COG5: variants seen among roughly 807,000 people sequenced by gnomAD.
COG5 encodes conserved oligomeric Golgi complex subunit 5.
Under a neutral mutation model 110.4 loss-of-function variants are expected in COG5, and 86 were observed. The observed-to-expected ratio is 0.78, with a 90% confidence interval of 0.65 to 0.93. The LOEUF is 0.93. Ranked by LOEUF, COG5 falls within the 40% of genes least tolerant of loss-of-function variation. The probability of loss-of-function intolerance (pLI) is 0.00; values close to 1 mark genes in which losing one functional copy is unlikely to be tolerated. For synonymous variants in COG5, 360 were observed against 334.6 expected (o/e 1.08, Z -0.83); for missense variants, 1,077 against 987.0 (o/e 1.09, Z -1.22).
Position 107,494,429 on chromosome 7 carries a change from A to G in COG5, c.538+32808T>C, listed in dbSNP as rs1798147958. ...CCATAAGATTATAATGGAGCTGAGA[A>G]TTTCCTATTGCCTACGATGTCACAG... On this transcript the variant is annotated intron_variant, in intron 6 of 21. Coordinates refer to ENST00000297135, the MANE Select transcript of COG5 (RefSeq NM_006348.5). Among the ~76,000 whole-genome samples, 2 of 152,174 alleles carry G rather than the reference A, an allele frequency of 1.3e-5. 1 individual carries two copies. Among genetic ancestry groups the G allele is most frequent in the South Asian group, 4.1e-4 (2 of 4,834 alleles).
intron 8 of COG5, among the ~76,000 whole-genome samples, chr7:107,368,559 T>C (rs980661799): frequency 6.6e-6 from 1 of 152,174 alleles, no homozygotes; most frequent in Non-Finnish European, 1.5e-5. Context: ...ATGTTTATGT[T>C]TTTCTTTAAG....
chr7:107,356,145 G>A (rs941629967), intron 10 of COG5, among the ~76,000 whole-genome samples: 3 of 152,114 alleles, frequency 2.0e-5, no homozygotes, highest in Non-Finnish European at 1.5e-5. Context: ...AAAGGAAAAT[G>A]TAAAATAAAG....
intron 6 of COG5, among the ~76,000 whole-genome samples, chr7:107,507,879 T>G (rs1255537261): frequency 6.6e-6 from 1 of 152,134 alleles, no homozygotes; most frequent in African/African-American, 2.4e-5. Context: ...TATGACGTAT[T>G]TGGTTTTAAG....
intron 7 of COG5, among the ~76,000 whole-genome samples, chr7:107,386,890 AAGGAGG>A (rs990345400): frequency 1.3e-5 from 2 of 152,092 alleles, no homozygotes; most frequent in Admixed American, 1.3e-4. Context: ...TAAAAAGGGG[AAGGAGG>A]AGGAAAGTCA....
In COG5 at chr7:107,324,476, G is replaced by C. The variant is rs769748119; in HGVS notation, c.1072C>G (p.Gln358Glu). The stretch of plus-strand genomic sequence containing the variant: ...ATATGAAATTGAGAAGAAAGTGCCT[G>C]AGTAACTGAATTCCAAAATGTGTAG... ...IFYTFWNSVTQALSSQFHMAT... is the reference protein window; with the variant it reads ...IFYTFWNSVTEALSSQFHMAT... The change falls in exon 11 of 22, where the codon CAG becomes GAG. Residue 358 changes from glutamine (Q) to glutamate (E), a missense_variant. Coordinates refer to ENST00000297135, the MANE Select transcript of COG5 (RefSeq NM_006348.5). 24 of 1,605,924 alleles carry C rather than the reference G, an allele frequency of 1.5e-5. No homozygotes were observed. Among genetic ancestry groups the C allele is most frequent in the Non-Finnish European group, 2.0e-5 (24 of 1,175,592 alleles).
intron 14 of COG5, among the ~76,000 whole-genome samples, chr7:107,278,129 G>T (rs1425224670): frequency 6.6e-6 from 1 of 152,042 alleles, no homozygotes; most frequent in African/African-American, 2.4e-5. Flanking sequence ...GTACATTTCA[G>T]GTTGTATTTG....
chr7:107,242,743 T>C (rs1240204914), intron 17 of COG5, among the ~76,000 whole-genome samples: 2 of 152,176 alleles, frequency 1.3e-5, no homozygotes, highest in African/African-American at 2.4e-5. Context: ...GGAGAACCCC[T>C]GGCTTGGGCC....
chr7:107,455,756 G>A (rs1795626043), intron 6 of COG5, among the ~76,000 whole-genome samples: 1 of 152,000 alleles, frequency 6.6e-6, no homozygotes, highest in Middle Eastern at 3.2e-3. Flanking sequence ...AAAAAATTAT[G>A]GAAGCATTTA....
chr7:107,314,475 G>A (rs1412968869), intron 11 of COG5, among the ~76,000 whole-genome samples: 2 of 151,810 alleles, frequency 1.3e-5, no homozygotes, highest in Non-Finnish European at 1.5e-5. Context: ...TGGGCACAGC[G>A]GCTCACGCCT....
chr7:107,480,505 G>A (rs1439284093), intron 6 of COG5, among the ~76,000 whole-genome samples: 1 of 152,064 alleles, frequency 6.6e-6, no homozygotes, highest in Non-Finnish European at 1.5e-5. Flanking sequence ...AAAAGAGAAA[G>A]TAAGGAGATA....
At chr7:107,552,057 T>C (rs2129175703) in intron 3 of COG5, among the ~76,000 whole-genome samples, 1 of 152,340 alleles carries the variant, frequency 6.6e-6, no homozygotes, top group Non-Finnish European at 1.5e-5. Flanking sequence ...TTTCAAATAT[T>C]TTAATCTTTG....
intron 6 of COG5, among the ~76,000 whole-genome samples, chr7:107,435,146 G>A (rs1794288709): frequency 6.6e-6 from 1 of 152,060 alleles, no homozygotes; most frequent in Non-Finnish European, 1.5e-5. Context: ...GTTGCCAGCA[G>A]GTGGGGGAGA....
At chr7:107,427,035 T>C (rs200377506) in intron 6 of COG5, among the ~76,000 whole-genome samples, 2 of 152,152 alleles carry the variant, frequency 1.3e-5, no homozygotes, top group African/African-American at 2.4e-5. Flanking sequence ...TTCGATAATA[T>C]GGGTTTCGAG....
At chr7:107,349,072 T>C (rs760710576) in intron 10 of COG5, among the ~76,000 whole-genome samples, 1 of 152,200 alleles carries the variant, frequency 6.6e-6, no homozygotes, top group Non-Finnish European at 1.5e-5. Context: ...GGATTGTACA[T>C]TGTTAATATA....
chr7:107,338,055 C>T (rs1810854428), intron 10 of COG5, among the ~76,000 whole-genome samples: 2 of 152,042 alleles, frequency 1.3e-5, no homozygotes, highest in African/African-American at 4.8e-5. Flanking sequence ...CAAAAACCCA[C>T]ATTTTTGTCC....
At chr7:107,412,004 A>T (rs531099742) in intron 7 of COG5, among the ~76,000 whole-genome samples, 1 of 152,256 alleles carries the variant, frequency 6.6e-6, no homozygotes, top group Admixed American at 6.5e-5. Context: ...CAAGTCAAAA[A>T]TTTTTTAAAT....
At chr7:107,415,819 TACAC>T (rs373690522) in intron 6 of COG5, among the ~76,000 whole-genome samples, 888 of 82,686 alleles carry the variant, frequency 0.011, 12 homozygotes, top group Middle Eastern at 0.022. Flanking sequence ...TATACACACA[TACAC>T]GTATGTATGT....
intron 1 of COG5, among the ~76,000 whole-genome samples, chr7:107,561,884 G>A (rs917330436): frequency 6.6e-6 from 1 of 152,148 alleles, no homozygotes; most frequent in Non-Finnish European, 1.5e-5. Flanking sequence ...GCTGAGCCAG[G>A]AGAATGGCGT....
chr7:107,449,207 G>A (rs947170083), intron 6 of COG5, among the ~76,000 whole-genome samples: 1 of 152,132 alleles, frequency 6.6e-6, no homozygotes, highest in Non-Finnish European at 1.5e-5. Flanking sequence ...GAGAGAATTA[G>A]GACAAATACC....
Sources: gnomAD v4.1 joint callset for allele counts (sites outside exome capture counted in the v4.1 genomes callset) on GRCh38, gnomAD v4.1.1 for gene constraint, MANE v1.5 for transcripts, NCBI Gene and HGNC (gene_info 2026-07-23, HGNC 2026-07-21) for gene names.